The following ANKEF1 variants were observed in gnomAD, a reference collection of about 807,000 sequenced individuals.
ANKEF1 encodes the protein ankyrin repeat and EF-hand domain containing 1, also known as ankyrin repeat and EF-hand domain-containing protein 1.
ANKEF1 carries 43 observed loss-of-function variants against 65.1 expected under a neutral mutation model. The observed-to-expected ratio is 0.66, with a 90% CI of 0.52 to 0.85. The LOEUF (loss-of-function observed/expected upper bound fraction) is 0.85, where lower values mean the gene tolerates loss of function less well. Among genes scored for constraint, ANKEF1 ranks in the 40% least tolerant of loss-of-function variants. The probability of loss-of-function intolerance (pLI) is 0.00; values close to 1 mark genes in which losing one functional copy is unlikely to be tolerated. For synonymous variants in ANKEF1, 316 were observed against 341.5 expected (o/e 0.93, Z 0.82); for missense variants, 934 against 952.9 (o/e 0.98, Z 0.26).
intron 3 of ANKEF1, among the ~76,000 whole-genome samples, chr20:10,039,988 G>C (rs867556638): frequency 6.6e-6 from 1 of 152,142 alleles, no homozygotes; most frequent in South Asian, 2.1e-4. Flanking sequence ...GTGTAACAAT[G>C]TAAAAGTGTA....
intron 7 of ANKEF1, among the ~76,000 whole-genome samples, chr20:10,051,227 AAG>A (rs1270809874): frequency 6.6e-6 from 1 of 152,184 alleles, no homozygotes; most frequent in African/African-American, 2.4e-5. Context: ...GTATATTATC[AAG>A]AGAGCAACTA....
chr20:10,043,407 C>A, intron 4 of ANKEF1, 86 bp downstream of exon 4: 2 of 1,272,984 alleles, frequency 1.6e-6, no homozygotes, highest in Non-Finnish European at 2.2e-6. Context: ...TGACATTATC[C>A]TGTTAGCTGA....
In ANKEF1 at chr20:10,049,970, G is replaced by A; in HGVS notation, c.1401G>A (p.Arg467=). 1 of 1,614,114 alleles carries A rather than the reference G, an allele frequency of 6.2e-7. No homozygotes were observed. The highest frequency in any genetic ancestry group is 8.5e-7 in the Non-Finnish European group (1 of 1,179,996). Residue 467 remains arginine, a synonymous_variant, in exon 7 of 11, where the codon CGG becomes CGA. Coordinates refer to ENST00000378392, the MANE Select transcript of ANKEF1 (RefSeq NM_022096.6). ...ETYKNVTDSS[R]FNRDHPPEHP... is the part of the protein sequence containing the mutation. The stretch of plus-strand genomic sequence containing the variant: ...ACAAGAATGTCACTGATAGCAGCCG[G>A]TTTAATAGAGATCATCCCCCAGAAC...
At chr20:10,044,242 C>T in intron 4 of ANKEF1, 152 bp from the exon 5 acceptor site, 2 of 826,830 alleles carry the variant, frequency 2.4e-6, no homozygotes, top group Non-Finnish European at 3.5e-6. Flanking sequence ...TTAATTTTTC[C>T]TCTTTGTTAC....
At chr20:10,048,503 T>C (rs1401868329) in intron 6 of ANKEF1, among the ~76,000 whole-genome samples, 1 of 152,182 alleles carries the variant, frequency 6.6e-6, no homozygotes, top group African/African-American at 2.4e-5. Context: ...GTAGGTGTTA[T>C]TCATTCTTTC....
chr20:10,055,395 A>G (rs1985086582), intron 10 of ANKEF1, 107 bp from the exon 11 acceptor site: 3 of 1,048,346 alleles, frequency 2.9e-6, no homozygotes, highest in Non-Finnish European at 4.2e-6. Context: ...TAAAACTATA[A>G]ACAAATTTTT....
At position 10,038,405 on chromosome 20, in the gene ANKEF1, G is replaced by C. The variant is rs765521349; in HGVS notation, c.104G>C (p.Gly35Ala). The change falls in exon 3 of 11, where the codon GGA becomes GCA. Residue 35 changes from glycine to alanine, a missense_variant. Transcript: ENST00000378392. ...KKQIEKLTKL[G>A]YPELINYTEP... The stretch of plus-strand genomic sequence containing the variant: ...CAGATAGAGAAGCTGACCAAGCTTG[G>C]ATACCCTGAACTAATCAATTATACA... The C allele has an allele frequency of 2.5e-6, 4 of 1,613,898 alleles. No individual in the cohort carries two copies. The highest frequency in any genetic ancestry group is 3.4e-6 in the Non-Finnish European group (4 of 1,179,810).
At position 10,046,013 on chromosome 20, in the gene ANKEF1, G is replaced by A. The variant is rs1481277870; in HGVS notation, c.820+316G>A. On this transcript the variant is annotated intron_variant, in intron 6 of 10. Coordinates refer to ENST00000378392, the MANE Select transcript of ANKEF1 (RefSeq NM_022096.6). ...GGGCGGGGTGTGGTGGCTCATGCCT[G>A]TAATCCCAGCACTTTGGGAGGCTGA... 2.6e-5 allele frequency among the ~76,000 whole-genome samples: 4 copies of A among 152,272 alleles called. No homozygotes were observed. In the East Asian group the frequency reaches 7.7e-4, roughly 29 times the overall value.
intron 6 of ANKEF1, among the ~76,000 whole-genome samples, chr20:10,046,663 TTAGAGA>T (rs1984540301): frequency 1.3e-5 from 2 of 152,304 alleles, no homozygotes; most frequent in South Asian, 2.1e-4. Context: ...TTTAACTCTG[TTAGAGA>T]TAGAACTGCA....
At chr20:10,038,868 A>G (rs1984020633) in intron 3 of ANKEF1, among the ~76,000 whole-genome samples, 1 of 152,236 alleles carries the variant, frequency 6.6e-6, no homozygotes, top group Non-Finnish European at 1.5e-5. Flanking sequence ...TTGCTCATAT[A>G]CTTAGATTAA....
At chr20:10,038,203 C>G in intron 2 of ANKEF1, 55 bp from the exon 3 acceptor site, 1 of 706,826 alleles carries the variant, frequency 1.4e-6, no homozygotes, top group Non-Finnish European at 2.2e-6. Context: ...GTTATTTAAT[C>G]AAAATGAAGA....
In ANKEF1 at chr20:10,049,726, G is replaced by C; in HGVS notation, c.1157G>C (p.Arg386Pro). The C allele has an allele frequency of 6.2e-7, 1 of 1,614,140 alleles. No individual in the cohort carries two copies. Residue 386 changes from arginine (R) to proline (P), a missense_variant, in exon 7 of 11, where the codon CGG (arginine) becomes CCG (proline). Physicochemically the swap from Arg to Pro is moderately radical, Grantham distance 103. Transcript: ENST00000378392. ...ATCGCTCACCTTCATGAGAAAACCC[G>C]GGGAGGAGGGGTCAATATTAATGAA... ...AAIAHLHEKT[R>P]GGGVNINEFF...
intron 8 of ANKEF1, 63 bp from the exon 9 acceptor site, chr20:10,053,049 T>G (rs1284342662): frequency 1.3e-6 from 2 of 1,490,298 alleles, no homozygotes; most frequent in Admixed American, 2.3e-5. Context: ...TGAGATATTT[T>G]TCTACATGGT....
At chr20:10,046,792 A>G (rs574807666) in intron 6 of ANKEF1, among the ~76,000 whole-genome samples, 1 of 152,334 alleles carries the variant, frequency 6.6e-6, no homozygotes, top group South Asian at 2.1e-4. Flanking sequence ...TCTTTCACAC[A>G]GACACAAAAT....
chr20:10,044,515 A>G lies in ANKEF1; in HGVS notation c.668A>G (p.His223Arg). The change falls in exon 5 of 11, where the codon CAT (histidine) becomes CGT (arginine). Residue 223 changes from histidine to arginine, a missense_variant. Transcript: ENST00000378392. ...GACAACGACAGGCATCACGCTGCTCATTTTGCTGCTAAAGGAGGCTTTTTC... is the reference window on the plus strand; with the variant it reads ...GACAACGACAGGCATCACGCTGCTCGTTTTGCTGCTAAAGGAGGCTTTTTC... ...AFDNDRHHAAHFAAKGGFFDI... is the reference protein window; with the variant it reads ...AFDNDRHHAARFAAKGGFFDI... 6.2e-7 allele frequency: 1 copy of G among 1,614,090 alleles called. No homozygotes were observed. Among genetic ancestry groups the G allele is most frequent in the Non-Finnish European group, 8.5e-7 (1 of 1,179,968 alleles).
rs199742800 is a variant in ANKEF1 at position 10,044,514 on chromosome 20, C to T, written c.667C>T (p.His223Tyr). The T allele has an allele frequency of 3.7e-5, 60 of 1,613,996 alleles. No individual in the cohort carries two copies. Among genetic ancestry groups the T allele is most frequent in the Non-Finnish European group, 2.8e-5 (33 of 1,179,982 alleles). Residue 223 changes from histidine (H) to tyrosine (Y), a missense_variant, in exon 5 of 11, where the codon CAT (histidine) becomes TAT (tyrosine). By Grantham distance (83) the His-to-Tyr change is moderately conservative (BLOSUM62 2). Transcript: ENST00000378392. Reference protein sequence around the residue: ...AFDNDRHHAAHFAAKGGFFDI... With the variant: ...AFDNDRHHAAYFAAKGGFFDI... ...TGACAACGACAGGCATCACGCTGCT[C>T]ATTTTGCTGCTAAAGGAGGCTTTTT...
chr20:10,045,499 C>T, intron 5 of ANKEF1, 75 bp from the exon 6 acceptor site: 1 of 1,472,960 alleles, frequency 6.8e-7, no homozygotes, highest in Admixed American at 1.7e-5. Flanking sequence ...CTGGATAGTG[C>T]CGGTCTAGCT....
rs779107963 is a variant in ANKEF1 at position 10,051,895 on chromosome 20, C to T, written c.1870+6C>T. 15 of 1,586,216 alleles carry T rather than the reference C, an allele frequency of 9.5e-6. No individual in the cohort carries two copies. Among genetic ancestry groups the T allele is most frequent in the Non-Finnish European group, 1.3e-5 (15 of 1,160,964 alleles). On this transcript the variant is annotated splice_donor_region_variant and intron_variant, in intron 8 of 10. Coordinates refer to ENST00000378392, the MANE Select transcript of ANKEF1 (RefSeq NM_022096.6). ...CCAGCTGGAAAATAGAAAAGGTATG[C>T]GTTCATATTATTGATGATTAGGGTT...
rs1985234489 is a variant in ANKEF1, at chr20:10,057,419, A to C, written c.*1759A>C. The C allele has an allele frequency of 1.3e-5, 2 of 152,134 alleles. No homozygotes were observed. The highest frequency in any genetic ancestry group is 4.8e-5 in the African/African-American group (2 of 41,426). 9.4% of individuals were successfully genotyped at this position (152,134 alleles called of 1,614,324 possible). A position where few individuals can be genotyped will look rare whatever the true frequency, so the allele number is the denominator to read the frequency against. On this transcript the variant is annotated 3_prime_UTR_variant, in exon 11 of 11. Coordinates refer to ENST00000378392, the MANE Select transcript of ANKEF1 (RefSeq NM_022096.6). ...TCTCTTTTCTTTTTGTTTTGACATA[A>C]TTTCATATTTATGGAAAAGTTGCAA...
Sources: gnomAD v4.1 joint callset for allele counts (sites outside exome capture counted in the v4.1 genomes callset) on GRCh38, gnomAD v4.1.1 for gene constraint, MANE v1.5 for transcripts, NCBI Gene and HGNC (gene_info 2026-07-23, HGNC 2026-07-21) for gene names.